Variants in PTK2 observed in about 807,000 individuals in gnomAD.
The protein encoded by PTK2 is focal adhesion kinase 1.
A neutral mutation model predicts 150.1 loss-of-function variants in PTK2; 45 were observed. The observed-to-expected ratio is 0.30, with a 90% CI of 0.24 to 0.38. The LOEUF (loss-of-function observed/expected upper bound fraction) is 0.38, where lower values mean the gene tolerates loss of function less well. PTK2 is among the 10% of genes least tolerant of loss of function. The pLI is 1.00. For missense variants in PTK2, 919 were observed against 1,307.3 expected (o/e 0.70, Z 4.58); for synonymous variants, 432 against 449.2 (o/e 0.96, Z 0.48).
chr8:140,892,473 C>A (rs925286340), intron 2 of PTK2: 1 of 277,770 alleles, frequency 3.6e-6, no homozygotes, highest in Admixed American at 5.5e-5. Flanking sequence ...GAGGGGAAGG[C>A]TACAGTGAGC....
rs146235439 is a variant in PTK2 at position 140,855,960 on chromosome 8, A to T, written c.450+8352T>A. On this transcript the variant is annotated intron_variant, in intron 5 of 31. Transcript: ENST00000522684. The stretch of plus-strand genomic sequence containing the variant: ...GTAAGTGTGTGTTCTACCACAATTT[A>T]AAAAAAATTGGGAAGAAAAAGCGTA... Among the ~76,000 whole-genome samples, 31 of 152,160 alleles carry T rather than the reference A, an allele frequency of 2.0e-4. No homozygotes were observed. The East Asian group carries it at 6.0e-3, about 29-fold the overall frequency.
chr8:140,886,055 T>G (rs1374812196), intron 3 of PTK2, among the ~76,000 whole-genome samples: 5 of 152,046 alleles, frequency 3.3e-5, no homozygotes, highest in Admixed American at 2.6e-4. Flanking sequence ...AAGAAAGGGG[T>G]AGCAGTGGAG....
At chr8:140,828,908 C>T (rs2100113571) in intron 8 of PTK2, among the ~76,000 whole-genome samples, 1 of 152,206 alleles carries the variant, frequency 6.6e-6, no homozygotes, top group Non-Finnish European at 1.5e-5. Flanking sequence ...TTCCACTGTG[C>T]CAAACTTCAT....
chr8:140,669,992 T>C, intron 29 of PTK2: 1 of 481,702 alleles, frequency 2.1e-6, no homozygotes, highest in Middle Eastern at 4.5e-4. Context: ...ACAAAACAAA[T>C]GCAGGGAACA....
intron 1 of PTK2, among the ~76,000 whole-genome samples, chr8:140,935,451 T>C (rs556507258): frequency 1.0e-3 from 152 of 152,274 alleles, no homozygotes; most frequent in African/African-American, 3.5e-3. Context: ...CATGGTTCTC[T>C]GGCCTCAGGA....
At position 140,708,972 on chromosome 8, in the gene PTK2, A is replaced by C. The variant is rs367847159; in HGVS notation, c.2143-2767T>G. The stretch of plus-strand genomic sequence containing the variant: ...TGTACTCTTGATAAATTCAGGCAAA[A>C]AAAAAAAAAAAGTTACAATTTACTG... On this transcript the variant is annotated intron_variant, in intron 23 of 31. Transcript: ENST00000522684. Among the ~76,000 whole-genome samples the C allele has an allele frequency of 6.9e-3, 1,056 of 152,018 alleles. 9 individuals are homozygous for C. Among genetic ancestry groups the C allele is most frequent in the African/African-American group, 0.024 (1,014 of 41,464 alleles).
intron 12 of PTK2, among the ~76,000 whole-genome samples, chr8:140,798,103 T>C (rs1185794957): frequency 1.3e-5 from 2 of 152,186 alleles, no homozygotes; most frequent in Non-Finnish European, 2.9e-5. Flanking sequence ...CATGTATAAG[T>C]AGTTTATGAT....
intron 1 of PTK2, among the ~76,000 whole-genome samples, chr8:140,997,349 T>C (rs2100198183): frequency 1.3e-5 from 2 of 152,222 alleles, no homozygotes; most frequent in African/African-American, 2.4e-5. Flanking sequence ...CATACACTGA[T>C]TGATAAAGCA....
chr8:140,824,485 A>G (rs73714764), intron 8 of PTK2, among the ~76,000 whole-genome samples: 37,299 of 151,990 alleles, frequency 0.25, 5,763 homozygotes, highest in East Asian at 0.48. Context: ...CTCATTCTCC[A>G]CCAACTAAAA....
chr8:140,842,998 GC>G (rs2100123216), intron 7 of PTK2, among the ~76,000 whole-genome samples: 1 of 152,012 alleles, frequency 6.6e-6, no homozygotes, highest in Admixed American at 6.5e-5. Flanking sequence ...CTTATGTATA[GC>G]AATTCTCATG....
At chr8:140,857,083 A>G (rs537813560) in intron 5 of PTK2, among the ~76,000 whole-genome samples, 1 of 152,218 alleles carries the variant, frequency 6.6e-6, no homozygotes. Flanking sequence ...TAATTTCCCC[A>G]CAGTTAAAGT....
intron 5 of PTK2, among the ~76,000 whole-genome samples, chr8:140,848,991 A>G (rs775726018): frequency 1.4e-4 from 22 of 152,202 alleles, no homozygotes; most frequent in South Asian, 4.1e-4. Flanking sequence ...ATCAAATGCT[A>G]TATTTCATCA....
chr8:140,666,067 G>C (rs2091136659), intron 30 of PTK2, among the ~76,000 whole-genome samples: 1 of 152,240 alleles, frequency 6.6e-6, no homozygotes, highest in African/African-American at 2.4e-5. Context: ...GCCAGGCGCA[G>C]TGGCTCATGC....
chr8:140,782,517 C>T (rs139247516), intron 14 of PTK2, among the ~76,000 whole-genome samples: 2 of 152,168 alleles, frequency 1.3e-5, no homozygotes, highest in East Asian at 1.9e-4. Context: ...GGACTACAGG[C>T]GTGAGGCACT....
At chr8:140,966,473 T>C (rs944915244) in intron 1 of PTK2, among the ~76,000 whole-genome samples, 3 of 151,930 alleles carry the variant, frequency 2.0e-5, no homozygotes, top group Non-Finnish European at 4.4e-5. Context: ...AATCCTGTTT[T>C]AGCAACAGGC....
intron 8 of PTK2, among the ~76,000 whole-genome samples, chr8:140,829,918 G>GA (rs1267331832): frequency 1.3e-5 from 2 of 152,112 alleles, no homozygotes; most frequent in East Asian, 3.9e-4. Context: ...TTAGCTGGGG[G>GA]AATCACACAT....
chr8:140,924,202 C>T (rs2100168600), intron 2 of PTK2, among the ~76,000 whole-genome samples: 2 of 152,098 alleles, frequency 1.3e-5, no homozygotes, highest in African/African-American at 4.8e-5. Context: ...ACTCTTGCCC[C>T]CGCGTTATCC....
intron 1 of PTK2, among the ~76,000 whole-genome samples, chr8:140,964,573 T>C (rs2100184577): frequency 7.0e-6 from 1 of 143,162 alleles, no homozygotes; most frequent in African/African-American, 2.7e-5. Context: ...TTTTTTTTTT[T>C]TGGTAGAGAG....
chr8:140,951,438 C>A (rs913630963), intron 1 of PTK2, among the ~76,000 whole-genome samples: 2 of 152,204 alleles, frequency 1.3e-5, no homozygotes, highest in African/African-American at 4.8e-5. Flanking sequence ...GGAAGCCAGA[C>A]TTACACATAT....
Sources: gnomAD v4.1 joint callset for allele counts (sites outside exome capture counted in the v4.1 genomes callset) on GRCh38, gnomAD v4.1.1 for gene constraint, MANE v1.5 for transcripts, NCBI Gene and HGNC (gene_info 2026-07-23, HGNC 2026-07-21) for gene names.